The following RPTOR variants were observed in gnomAD, a reference collection of about 807,000 sequenced individuals.
RPTOR encodes regulatory-associated protein of mTOR.
A neutral mutation model predicts 169.9 loss-of-function variants in RPTOR; 21 were observed. The ratio of observed to expected loss-of-function variants is 0.12; its 90% CI spans 0.09 to 0.18. RPTOR has a LOEUF of 0.18. Ranked by LOEUF, RPTOR falls within the 10% of genes least tolerant of loss-of-function variation. The pLI, the probability that RPTOR is intolerant of heterozygous loss-of-function variation, is 1.00. For missense variants in RPTOR, 1,133 were observed against 1,855.9 expected (o/e 0.61, Z 7.16); for synonymous variants, 732 against 753.2 (o/e 0.97, Z 0.46).
At chr17:80,818,092 G>A (rs933729136) in intron 7 of RPTOR, among the ~76,000 whole-genome samples, 15 of 152,332 alleles carry the variant, frequency 9.8e-5, no homozygotes, top group African/African-American at 2.6e-4. Context: ...GGGCCACCCC[G>A]GCATCTGCCA....
At chr17:80,841,402 C>T (rs1384898069) in intron 10 of RPTOR, among the ~76,000 whole-genome samples, 2 of 138,970 alleles carry the variant, frequency 1.4e-5, no homozygotes, top group Non-Finnish European at 3.1e-5. Flanking sequence ...TCACACCGCA[C>T]GGCAGCTCAC....
intron 28 of RPTOR, among the ~76,000 whole-genome samples, chr17:80,952,167 C>T (rs1441139167): frequency 2.6e-5 from 4 of 152,204 alleles, no homozygotes; most frequent in Admixed American, 6.5e-5. Flanking sequence ...CACAGCACAG[C>T]CACCACTCTT....
At chr17:80,813,182 T>C (rs895168540) in intron 7 of RPTOR, among the ~76,000 whole-genome samples, 3 of 152,224 alleles carry the variant, frequency 2.0e-5, no homozygotes, top group Non-Finnish European at 4.4e-5. Flanking sequence ...ATGGCTATAA[T>C]ATTGGGCACT....
intron 5 of RPTOR, among the ~76,000 whole-genome samples, chr17:80,740,014 A>G (rs2066468940): frequency 6.6e-6 from 1 of 152,220 alleles, no homozygotes; most frequent in Admixed American, 6.5e-5. Context: ...AAAAATCAAT[A>G]AAATGGATAC....
intron 1 of RPTOR, among the ~76,000 whole-genome samples, chr17:80,559,679 G>T (rs964719042): frequency 6.6e-6 from 1 of 152,132 alleles, no homozygotes; most frequent in Non-Finnish European, 1.5e-5. Flanking sequence ...GAGAGCTCCA[G>T]TCCAGCTCCT....
intron 3 of RPTOR, among the ~76,000 whole-genome samples, chr17:80,690,062 CATTTGCTT>C (rs2065977781): frequency 6.6e-6 from 1 of 152,138 alleles, no homozygotes; most frequent in African/African-American, 2.4e-5. Flanking sequence ...CGTGTTTGCT[CATTTGCTT>C]CTTTATTTGT....
At chr17:80,752,701 T>G (rs758349987) in intron 5 of RPTOR, among the ~76,000 whole-genome samples, 2 of 152,252 alleles carry the variant, frequency 1.3e-5, no homozygotes, top group Non-Finnish European at 2.9e-5. Flanking sequence ...ATAAGGATCC[T>G]GTTTTGTTGA....
chr17:80,798,515 C>T lies in RPTOR; in HGVS notation c.890+7006C>T, dbSNP rs192107903. Reference sequence around the variant, plus strand: ...CTCAGGGGGTTTGGGAATTGTTCCTCCCAGACTCCGGGGCTGACATTTGGA... The same window carrying T: ...CTCAGGGGGTTTGGGAATTGTTCCTTCCAGACTCCGGGGCTGACATTTGGA... On this transcript the variant is annotated intron_variant, in intron 7 of 33. Coordinates refer to ENST00000306801, the MANE Select transcript of RPTOR (RefSeq NM_020761.3). Among the ~76,000 whole-genome samples, 1,409 of 152,208 alleles carry T rather than the reference C, an allele frequency of 9.3e-3. 21 individuals carry two copies. The highest frequency in any genetic ancestry group is 0.011 in the Non-Finnish European group (740 of 68,018).
intron 21 of RPTOR, among the ~76,000 whole-genome samples, chr17:80,911,524 G>A (rs1022601774): frequency 2.6e-5 from 4 of 152,228 alleles, no homozygotes; most frequent in Non-Finnish European, 4.4e-5. Flanking sequence ...GCTCACACCT[G>A]TAATCCCAGC....
chr17:80,627,061 G>C (rs1038051904), intron 2 of RPTOR, among the ~76,000 whole-genome samples: 1 of 152,102 alleles, frequency 6.6e-6, no homozygotes, highest in Admixed American at 6.5e-5. Context: ...CTTTGTTTCT[G>C]CCTTCTTTCA....
In RPTOR at chr17:80,643,829, C is replaced by T; in HGVS notation, c.348+19C>T. The T allele has an allele frequency of 6.3e-7, 1 of 1,584,328 alleles. No homozygotes were observed. Among genetic ancestry groups the T allele is most frequent in the Non-Finnish European group, 8.7e-7 (1 of 1,154,420 alleles). Reference sequence around the variant, plus strand: ...GCCAAGGGTAAGTGTGCTTCACTTGCTCTTCCCTTTCCTTCTTACAGGGAA... The same window carrying T: ...GCCAAGGGTAAGTGTGCTTCACTTGTTCTTCCCTTTCCTTCTTACAGGGAA... On this transcript the variant is annotated intron_variant, in intron 3 of 33. Transcript: ENST00000306801.
intron 1 of RPTOR, among the ~76,000 whole-genome samples, chr17:80,620,471 T>TTAGA (rs2065346092): frequency 6.6e-6 from 1 of 152,158 alleles, no homozygotes; most frequent in South Asian, 2.1e-4. Flanking sequence ...TTTAAAAACT[T>TTAGA]ACTAAATTTG....
chr17:80,950,836 T>G (rs2069167037), intron 28 of RPTOR, among the ~76,000 whole-genome samples: 2 of 152,244 alleles, frequency 1.3e-5, no homozygotes, highest in South Asian at 4.1e-4. Flanking sequence ...GATCACTGTT[T>G]GATAGGCTTT....
chr17:80,546,084 C>G (rs1160694827), intron 1 of RPTOR, among the ~76,000 whole-genome samples: 1 of 152,178 alleles, frequency 6.6e-6, no homozygotes, highest in Admixed American at 6.5e-5. Context: ...TTTACATGCT[C>G]TTTGGCATAC....
rs890422282 is a variant in RPTOR, at chr17:80,708,285, C to T, written c.507+286C>T. On this transcript the variant is annotated intron_variant, in intron 4 of 33. Coordinates refer to ENST00000306801, the MANE Select transcript of RPTOR (RefSeq NM_020761.3). This position sits in a 1 kb window ranked among gnomAD's most constrained non-coding sequence, Gnocchi z 4.2. ...TTTGTAATTCTCCGAGGACAGACCT[C>T]GAGAGTGTCTGCCTTCTAGTTTGAA... 3.3e-5 allele frequency among the ~76,000 whole-genome samples: 5 copies of T among 152,174 alleles called. No individual in the cohort carries two copies. The highest frequency in any genetic ancestry group is 2.1e-4 in the South Asian group (1 of 4,834).
chr17:80,891,611 G>A (rs368405604), intron 17 of RPTOR, 109 bp from the exon 18 acceptor site: 103 of 747,426 alleles, frequency 1.4e-4, no homozygotes, highest in Admixed American at 2.4e-4. Context: ...CCAATTGCAC[G>A]GTTTTGTCTT....
chr17:80,946,368 G>T (rs1443515204), intron 26 of RPTOR, among the ~76,000 whole-genome samples: 3 of 152,190 alleles, frequency 2.0e-5, no homozygotes, highest in Non-Finnish European at 4.4e-5. Context: ...ACCGTTCTGA[G>T]TGCGCAGCCA....
intron 13 of RPTOR, among the ~76,000 whole-genome samples, chr17:80,858,750 G>A (rs550205526): frequency 6.6e-6 from 1 of 152,314 alleles, no homozygotes; most frequent in South Asian, 2.1e-4. Flanking sequence ...GAGGTGGCAG[G>A]GAGGGCTGGG....
chr17:80,780,099 C>G (rs374409912), intron 6 of RPTOR, among the ~76,000 whole-genome samples: 1 of 152,144 alleles, frequency 6.6e-6, no homozygotes, highest in Non-Finnish European at 1.5e-5. Flanking sequence ...GTGTTCTCAT[C>G]GTGTCCATCT....
Sources: gnomAD v4.1 joint callset for allele counts (sites outside exome capture counted in the v4.1 genomes callset) on GRCh38, gnomAD v4.1.1 for gene constraint, Gnocchi (gnomAD v3.1) non-coding constraint, MANE v1.5 for transcripts, NCBI Gene and HGNC (gene_info 2026-07-23, HGNC 2026-07-21) for gene names.